Variants in NUMB observed in about 807,000 individuals in gnomAD.
The protein encoded by NUMB is NUMB endocytic adaptor protein.
In NUMB, 29 loss-of-function variants were observed where a neutral mutation model predicts 59.7. That is an observed-to-expected ratio of 0.49 (90% CI 0.36 to 0.66). The LOEUF (loss-of-function observed/expected upper bound fraction) is 0.66. Ranked by LOEUF, NUMB falls within the 30% of genes least tolerant of loss-of-function variation. NUMB has a pLI of 0.00. For synonymous variants in NUMB, 288 were observed against 288.2 expected (o/e 1.00, Z 0.01); for missense variants, 723 against 822.0 (o/e 0.88, Z 1.47).
intron 6 of NUMB, among the ~76,000 whole-genome samples, chr14:73,305,876 G>A (rs1181804948): frequency 1.3e-5 from 2 of 152,182 alleles, no homozygotes; most frequent in Admixed American, 6.5e-5. Flanking sequence ...ATAAACCAGG[G>A]AACCATGATA....
chr14:73,366,197 T>C (rs1485106968), intron 3 of NUMB, among the ~76,000 whole-genome samples: 1 of 152,238 alleles, frequency 6.6e-6, no homozygotes. Context: ...GTCCTATGTA[T>C]GGCCCTTATA....
chr14:73,395,037 TTGTGTGTGTGTGTGTGTGTGTGTG>T (rs3028731), intron 2 of NUMB, among the ~76,000 whole-genome samples: 14 of 119,996 alleles, frequency 1.2e-4, no homozygotes, highest in South Asian at 8.5e-4. Context: ...ATTCGTGTGT[TTGTGTGTGTGTGTGTGTGTGTGTG>T]TGTGTGTGTG....
chr14:73,349,577 GAA>G lies in NUMB; in HGVS notation c.126+6047_126+6048del, dbSNP rs71112731. Among the ~76,000 whole-genome samples, 416 of 127,508 alleles carry G rather than the reference GAA, an allele frequency of 3.3e-3. 1 individual carries two copies. The highest frequency in any genetic ancestry group is 9.2e-3 in the African/African-American group (311 of 33,642). 83.7% of individuals were successfully genotyped at this position (127,508 alleles called of 152,430 possible). A position where few individuals can be genotyped will look rare whatever the true frequency, so the allele number is the denominator to read the frequency against. ...CAACAAGAGTGAAACTCCATCTCAA[GAA>G]AAAAAAAAAAAAAAGGGTGGCCAGG... On this transcript the variant is annotated intron_variant, in intron 4 of 12. Transcript: ENST00000555238.
intron 1 of NUMB, among the ~76,000 whole-genome samples, chr14:73,432,059 T>C (rs1427439212): frequency 6.6e-6 from 1 of 152,152 alleles, no homozygotes; most frequent in Non-Finnish European, 1.5e-5. Flanking sequence ...TAACACTTTG[T>C]TATTCATAAG....
intron 4 of NUMB, among the ~76,000 whole-genome samples, chr14:73,325,632 A>G (rs904416774): frequency 5.3e-5 from 8 of 152,212 alleles, no homozygotes; most frequent in Non-Finnish European, 7.4e-5. Flanking sequence ...TCTTCCTTTT[A>G]GGTTGACAAG....
At chr14:73,337,172 C>T (rs968248002) in intron 4 of NUMB, among the ~76,000 whole-genome samples, 4 of 151,902 alleles carry the variant, frequency 2.6e-5, no homozygotes, top group Admixed American at 6.6e-5. Flanking sequence ...AATAAGTACA[C>T]GAAAACTTTT....
intron 2 of NUMB, chr14:73,409,209 T>C (rs1195524548): frequency 6.6e-6 from 1 of 152,220 alleles, no homozygotes; most frequent in Non-Finnish European, 1.5e-5. Flanking sequence ...CCTTGAAACT[T>C]GGGAGAACCT....
At chr14:73,321,508 A>G (rs1198611524) in intron 5 of NUMB, among the ~76,000 whole-genome samples, 2 of 152,120 alleles carry the variant, frequency 1.3e-5, no homozygotes, top group African/African-American at 4.8e-5. Flanking sequence ...CGAGTAACTG[A>G]TATTTTGTTT....
chr14:73,400,191 A>G (rs1360859803), intron 2 of NUMB, among the ~76,000 whole-genome samples: 5 of 152,240 alleles, frequency 3.3e-5, no homozygotes, highest in African/African-American at 4.8e-5. Context: ...CATATACCAT[A>G]TGATTCCAAC....
chr14:73,282,682 T>C (rs1594857864), intron 10 of NUMB, among the ~76,000 whole-genome samples, 177 bp from the exon 11 acceptor site: 1 of 152,232 alleles, frequency 6.6e-6, no homozygotes, highest in African/African-American at 2.4e-5. Context: ...CACAATTTCA[T>C]TGGCTTTTCA....
intron 2 of NUMB, among the ~76,000 whole-genome samples, chr14:73,389,050 G>C (rs1192769770): frequency 6.2e-5 from 9 of 144,344 alleles, no homozygotes; most frequent in African/African-American, 1.8e-4. Flanking sequence ...AGTGAGCCAA[G>C]ATGGCGCCAC....
intron 1 of NUMB, among the ~76,000 whole-genome samples, chr14:73,441,260 T>C (rs1193625715): frequency 2.6e-5 from 4 of 152,076 alleles, no homozygotes; most frequent in African/African-American, 7.2e-5. Flanking sequence ...CCACAATTAA[T>C]TTCTACTTTA....
intron 1 of NUMB, among the ~76,000 whole-genome samples, chr14:73,413,271 G>A (rs1287296214): frequency 6.6e-6 from 1 of 150,890 alleles, no homozygotes; most frequent in Non-Finnish European, 1.5e-5. Context: ...ATTTTTAGTA[G>A]AGACAGGGTT....
intron 4 of NUMB, among the ~76,000 whole-genome samples, chr14:73,352,499 TATATATATATATATATATATATATATA>T (rs1893412403): frequency 1.2e-3 from 14 of 11,612 alleles, no homozygotes; most frequent in African/African-American, 3.9e-3. Context: ...TATATATATA[TATATATATATATATATATATATATATA>T]TATGTTTTTT....
chr14:73,357,793 T>TA, intron 3 of NUMB, among the ~76,000 whole-genome samples: 1 of 142,700 alleles, frequency 7.0e-6, no homozygotes, highest in South Asian at 2.2e-4. Context: ...TAAAGGAACA[T>TA]AAAAAACAAA....
intron 6 of NUMB, among the ~76,000 whole-genome samples, chr14:73,307,153 C>T (rs992404775): frequency 6.6e-6 from 1 of 151,878 alleles, no homozygotes; most frequent in African/African-American, 2.4e-5. Context: ...ACTGAAAATA[C>T]AAAAAATTAG....
At chr14:73,432,582 C>T (rs939566023) in intron 1 of NUMB, among the ~76,000 whole-genome samples, 1 of 152,056 alleles carries the variant, frequency 6.6e-6, no homozygotes, top group African/African-American at 2.4e-5. Context: ...CCAGAGAAGA[C>T]ATTTAGCCAA....
At chr14:73,455,868 G>A (rs1540343) in intron 1 of NUMB, among the ~76,000 whole-genome samples, 117,710 of 152,140 alleles carry the variant, frequency 0.77, 46,001 homozygotes, top group African/African-American at 0.88. Context: ...AATGCTTTAC[G>A]GTACAGTGAT....
At chr14:73,397,134 A>G (rs1192579494) in intron 2 of NUMB, among the ~76,000 whole-genome samples, 1 of 152,004 alleles carries the variant, frequency 6.6e-6, no homozygotes, top group African/African-American at 2.4e-5. Context: ...TCTCAAAAAA[A>G]CAAAACAAAA....
Sources: gnomAD v4.1 joint callset for allele counts (sites outside exome capture counted in the v4.1 genomes callset) on GRCh38, gnomAD v4.1.1 for gene constraint, MANE v1.5 for transcripts, NCBI Gene and HGNC (gene_info 2026-07-23, HGNC 2026-07-21) for gene names.